The following KHDRBS2 variants were observed in gnomAD, a reference collection of about 807,000 sequenced individuals.
The protein encoded by KHDRBS2 is KH domain-containing, RNA-binding, signal transduction-associated protein 2.
Under a neutral mutation model 44.3 loss-of-function variants are expected in KHDRBS2, and 26 were observed. The observed-to-expected ratio is 0.59, with a 90% CI of 0.43 to 0.81. KHDRBS2 has a LOEUF of 0.81. Among genes scored for constraint, KHDRBS2 ranks in the 40% least tolerant of loss-of-function variants. KHDRBS2 has a pLI of 0.00. For synonymous variants in KHDRBS2, 194 were observed against 151.1 expected, an observed-to-expected ratio of 1.28 and a Z score of -2.08; for missense variants, 476 against 433.1, an observed-to-expected ratio of 1.10 and a Z score of -0.88.
rs537571034 is a variant in KHDRBS2 at position 61,947,976 on chromosome 6, G to A, written c.483+30090C>T. On this transcript the variant is annotated intron_variant, in intron 4 of 8. Transcript: ENST00000281156. ...ATAACAGAGGAATGACAAATCATGA[G>A]AACATGAAGTTCAGGAGAGCTGAAG... 3.3e-5 allele frequency among the ~76,000 whole-genome samples: 5 copies of A among 150,640 alleles called. No homozygotes were observed. The South Asian group carries it at 1.1e-3, about 32-fold the overall frequency.
chr6:61,836,158 T>C lies in KHDRBS2; in HGVS notation c.810+58477A>G, dbSNP rs1792637244. ...TATTTTCACTATCTACCACATGGAA[T>C]CAGAACTGTCTTGGAGATTTATGCA... On this transcript the variant is annotated intron_variant, in intron 6 of 8. Transcript: ENST00000281156. 2.0e-5 allele frequency among the ~76,000 whole-genome samples: 3 copies of C among 151,994 alleles called. No individual in the cohort carries two copies. The South Asian group carries it at 6.2e-4, about 31-fold the overall frequency.
chr6:62,164,951 T>A (rs999573437), intron 2 of KHDRBS2, among the ~76,000 whole-genome samples: 3 of 151,904 alleles, frequency 2.0e-5, no homozygotes, highest in African/African-American at 7.2e-5. Flanking sequence ...ACACTATACA[T>A]GTGTGATAGG....
intron 4 of KHDRBS2, among the ~76,000 whole-genome samples, chr6:61,976,531 A>T (rs1772704764): frequency 6.6e-6 from 1 of 152,040 alleles, no homozygotes. Flanking sequence ...TCATCCCTTG[A>T]TATTTCTATT....
chr6:62,221,548 T>A lies in KHDRBS2; in HGVS notation c.92-44236A>T, dbSNP rs189329156. 2.6e-5 allele frequency among the ~76,000 whole-genome samples: 4 copies of A among 152,240 alleles called. No homozygotes were observed. The East Asian group carries it at 5.8e-4, about 22-fold the overall frequency. ...TTAACCATTTTGTTATCTACATGTA[T>A]CTGATAACACCAACTTATATGCAAA... On this transcript the variant is annotated intron_variant, in intron 1 of 8. Transcript: ENST00000281156.
intron 3 of KHDRBS2, among the ~76,000 whole-genome samples, chr6:62,002,162 T>A (rs980447237): frequency 1.3e-5 from 2 of 149,650 alleles, no homozygotes; most frequent in African/African-American, 4.9e-5. Flanking sequence ...TTTATGGGCA[T>A]TAAGAAGCAT....
chr6:62,018,536 C>T (rs1268151391), intron 3 of KHDRBS2, among the ~76,000 whole-genome samples: 2 of 151,964 alleles, frequency 1.3e-5, no homozygotes, highest in Admixed American at 6.6e-5. Flanking sequence ...TTAGTAGAGA[C>T]GGGGTTTCAC....
At chr6:62,003,292 GTAAAATAAAA>G (rs199839595) in intron 3 of KHDRBS2, among the ~76,000 whole-genome samples, 4 of 151,530 alleles carry the variant, frequency 2.6e-5, no homozygotes, top group Admixed American at 6.6e-5. Flanking sequence ...AAAAAGTAAA[GTAAAATAAAA>G]TAAAATAAAA....
chr6:62,169,046 T>TATATATATATATATATATAC (rs1388413177), intron 2 of KHDRBS2, among the ~76,000 whole-genome samples: 21 of 140,400 alleles, frequency 1.5e-4, no homozygotes, highest in African/African-American at 5.4e-4. Flanking sequence ...TATATATATA[T>TATATATATATATATATATAC]ATATATATAT....
rs946722177 is a variant in KHDRBS2 at position 62,090,067 on chromosome 6, G to C, written c.220-42073C>G. Among the ~76,000 whole-genome samples the C allele has an allele frequency of 3.3e-5, 5 of 152,202 alleles. No homozygotes were observed. The South Asian group carries it at 6.2e-4, about 19-fold the overall frequency. Reference sequence around the variant, plus strand: ...AAAAAGCATTAGTAAATGTGTGGAAGTTGCCCAGGCTTGGTATATGATGGT... The same window carrying C: ...AAAAAGCATTAGTAAATGTGTGGAACTTGCCCAGGCTTGGTATATGATGGT... On this transcript the variant is annotated intron_variant, in intron 2 of 8. Transcript: ENST00000281156.
At chr6:62,160,581 T>C (rs1180782502) in intron 2 of KHDRBS2, among the ~76,000 whole-genome samples, 1 of 152,158 alleles carries the variant, frequency 6.6e-6, no homozygotes, top group East Asian at 1.9e-4. Flanking sequence ...AGGAGTCACA[T>C]GATCTGTATG....
rs76540870 is a variant in KHDRBS2 at position 61,912,350 on chromosome 6, T to C, written c.484-10979A>G. On this transcript the variant is annotated intron_variant, in intron 4 of 8. Coordinates refer to ENST00000281156, the MANE Select transcript of KHDRBS2 (RefSeq NM_152688.4). ...TTTATATTTAGAAGACCTAGGTATATGTCATTTATTCTTTTCCTTGCTTCC... is the reference window on the plus strand; with the variant it reads ...TTTATATTTAGAAGACCTAGGTATACGTCATTTATTCTTTTCCTTGCTTCC... Among the ~76,000 whole-genome samples the C allele has an allele frequency of 6.1e-3, 934 of 152,296 alleles. 6 individuals carry two copies. The highest frequency in any genetic ancestry group is 9.0e-3 in the Non-Finnish European group (613 of 68,014).
At chr6:61,612,630 A>G in the KHDRBS2 span, among the ~76,000 whole-genome samples, 5 of 152,304 alleles carry the variant, frequency 3.3e-5, no homozygotes, top group South Asian at 6.2e-4. Context: ...TTGAGCAACT[A>G]TTTTGTCCCA....
chr6:62,051,750 G>A (rs945630660), intron 2 of KHDRBS2, among the ~76,000 whole-genome samples: 2 of 151,640 alleles, frequency 1.3e-5, no homozygotes, highest in Non-Finnish European at 2.9e-5. Flanking sequence ...TCTATTAAGG[G>A]TTATTATTCA....
chr6:61,570,589 G>GA, the KHDRBS2 span, among the ~76,000 whole-genome samples: 7 of 151,932 alleles, frequency 4.6e-5, no homozygotes, highest in Non-Finnish European at 7.4e-5. Flanking sequence ...AAATTCATCG[G>GA]AAAAAAATCA....
At chr6:61,797,788 T>A (rs918505282) in intron 6 of KHDRBS2, among the ~76,000 whole-genome samples, 4 of 151,402 alleles carry the variant, frequency 2.6e-5, no homozygotes, top group African/African-American at 9.7e-5. Flanking sequence ...GTATATAATT[T>A]ATATATTATA....
chr6:61,802,873 T>C (rs892369787), intron 6 of KHDRBS2, among the ~76,000 whole-genome samples: 52 of 152,258 alleles, frequency 3.4e-4, no homozygotes, highest in African/African-American at 1.2e-3. Flanking sequence ...CATTCATGTC[T>C]CCATCCTTCC....
chr6:61,570,570 A>G, the KHDRBS2 span, among the ~76,000 whole-genome samples: 1 of 152,160 alleles, frequency 6.6e-6, no homozygotes, highest in Non-Finnish European at 1.5e-5. Flanking sequence ...AGCTCAAAGA[A>G]CACCTGGCAA....
intron 1 of KHDRBS2, among the ~76,000 whole-genome samples, chr6:62,198,157 C>T (rs1427390190): frequency 6.6e-6 from 1 of 152,002 alleles, no homozygotes; most frequent in Non-Finnish European, 1.5e-5. Flanking sequence ...AATTGACACC[C>T]TAACATCACA....
the KHDRBS2 span, among the ~76,000 whole-genome samples, chr6:61,587,833 TTCAAA>T: frequency 2.2e-3 from 333 of 152,300 alleles, no homozygotes; most frequent in African/African-American, 7.6e-3. Flanking sequence ...TACACATCAT[TTCAAA>T]TGACTAGTCT....
Sources: gnomAD v4.1 joint callset for allele counts (sites outside exome capture counted in the v4.1 genomes callset) on GRCh38, gnomAD v4.1.1 for gene constraint, MANE v1.5 for transcripts, NCBI Gene and HGNC (gene_info 2026-07-23, HGNC 2026-07-21) for gene names.